TMEM131L: variants seen among roughly 807,000 people sequenced by gnomAD.
The protein encoded by TMEM131L is transmembrane protein 131-like.
A neutral mutation model predicts 192.2 loss-of-function variants in TMEM131L; 54 were observed. That is an observed-to-expected ratio of 0.28 (90% CI 0.23 to 0.35). TMEM131L has a LOEUF of 0.35. TMEM131L is among the 10% of genes least tolerant of loss of function. TMEM131L has a pLI of 1.00. For synonymous variants in TMEM131L, 701 were observed against 704.9 expected (o/e 0.99, Z 0.09); for missense variants, 1,888 against 1,972.9 (o/e 0.96, Z 0.82).
At chr4:153,579,272 T>C (rs1222143533) in intron 7 of TMEM131L, among the ~76,000 whole-genome samples, 1 of 151,788 alleles carries the variant, frequency 6.6e-6, no homozygotes, top group East Asian at 1.9e-4. Context: ...GAGGTGGAGG[T>C]TGCATGAGCC....
chr4:153,609,869 A>G (rs1185673557), intron 25 of TMEM131L, among the ~76,000 whole-genome samples: 1 of 152,148 alleles, frequency 6.6e-6, no homozygotes, highest in East Asian at 1.9e-4. Context: ...CCAGAATCCA[A>G]AGGGATATTC....
intron 3 of TMEM131L, among the ~76,000 whole-genome samples, chr4:153,494,784 GCT>G (rs749160046): frequency 2.0e-5 from 3 of 152,224 alleles, no homozygotes; most frequent in Non-Finnish European, 4.4e-5. Flanking sequence ...TTAGCTAACA[GCT>G]CTCCGTCGGG....
intron 3 of TMEM131L, among the ~76,000 whole-genome samples, chr4:153,548,863 A>G (rs1737393583): frequency 6.6e-6 from 1 of 152,174 alleles, no homozygotes; most frequent in African/African-American, 2.4e-5. Flanking sequence ...GTTGGCCAGC[A>G]GGTTTAAAAG....
At chr4:153,578,390 T>C (rs1273790898) in intron 7 of TMEM131L, among the ~76,000 whole-genome samples, 2 of 151,984 alleles carry the variant, frequency 1.3e-5, no homozygotes, top group African/African-American at 2.4e-5. Context: ...AGTTTCACTC[T>C]TGTCACCCAG....
In TMEM131L at chr4:153,473,873, C is replaced by A. The variant is rs533956252; in HGVS notation, c.224C>A (p.Pro75His). 1.8e-5 allele frequency: 28 copies of A among 1,545,438 alleles called. No individual in the cohort carries two copies. Among genetic ancestry groups the A allele is most frequent in the Non-Finnish European group, 2.4e-5 (28 of 1,144,556 alleles). The part of the protein sequence containing the change: ...QGDSEEGLEE[P>H]SQEQSFSDKL... ...GATTCTGAAGAGGGTCTGGAGGAGC[C>A]TTCTCAAGAACAGAGGTAAGGAAAA... The change falls in exon 3 of 35, where the codon CCT (proline) becomes CAT (histidine). Residue 75 changes from proline to histidine, a missense_variant. Physicochemically the swap from Pro to His is moderately conservative, Grantham distance 77. Coordinates refer to ENST00000409959, the MANE Select transcript of TMEM131L (RefSeq NM_001131007.2).
At chr4:153,480,343 G>C (rs563080621) in intron 3 of TMEM131L, among the ~76,000 whole-genome samples, 21 of 149,550 alleles carry the variant, frequency 1.4e-4, no homozygotes, top group South Asian at 2.1e-4. Flanking sequence ...CGTCTCAAAA[G>C]AAAACAAAAC....
At chr4:153,604,462 CCT>C in intron 25 of TMEM131L, 32 bp downstream of exon 25, 3 of 1,555,554 alleles carry the variant, frequency 1.9e-6, no homozygotes, top group Non-Finnish European at 2.6e-6. Context: ...ATAATTCTCT[CCT>C]GTTTGTACCC....
intron 2 of TMEM131L, among the ~76,000 whole-genome samples, chr4:153,470,955 G>A (rs1340269664): frequency 2.0e-5 from 3 of 151,680 alleles, no homozygotes; most frequent in Admixed American, 1.3e-4. Context: ...CCCTCTTTGA[G>A]TTTCTTGTAG....
intron 9 of TMEM131L, among the ~76,000 whole-genome samples, chr4:153,582,594 G>A (rs1332747706): frequency 6.6e-6 from 1 of 151,800 alleles, no homozygotes; most frequent in Non-Finnish European, 1.5e-5. Flanking sequence ...AGTCTTAATT[G>A]GTTAAACAGC....
At chr4:153,488,133 C>T (rs563997689) in intron 3 of TMEM131L, among the ~76,000 whole-genome samples, 1 of 142,842 alleles carries the variant, frequency 7.0e-6, no homozygotes, top group East Asian at 2.2e-4. Context: ...GAGACCGAGA[C>T]CGTTGTGGGT....
chr4:153,545,390 C>G (rs538953007), intron 3 of TMEM131L, among the ~76,000 whole-genome samples: 47 of 151,446 alleles, frequency 3.1e-4, no homozygotes, highest in African/African-American at 1.1e-3. Context: ...CGGGTTCACG[C>G]CATTCTCCTG....
chr4:153,481,496 T>C (rs1350402931), intron 3 of TMEM131L, among the ~76,000 whole-genome samples: 2 of 152,226 alleles, frequency 1.3e-5, no homozygotes, highest in African/African-American at 4.8e-5. Flanking sequence ...GCCATTGAAA[T>C]AACAGGACTA....
At chr4:153,634,548 A>G (rs934549085) in intron 33 of TMEM131L, among the ~76,000 whole-genome samples, 1 of 152,190 alleles carries the variant, frequency 6.6e-6, no homozygotes, top group Non-Finnish European at 1.5e-5. Flanking sequence ...AGGTAGAACT[A>G]GGTCATTTGG....
intron 3 of TMEM131L, among the ~76,000 whole-genome samples, chr4:153,510,013 T>G (rs1424766284): frequency 6.6e-6 from 1 of 152,234 alleles, no homozygotes; most frequent in Non-Finnish European, 1.5e-5. Flanking sequence ...ACCTTTTCAT[T>G]TTAAAAGCCC....
intron 3 of TMEM131L, among the ~76,000 whole-genome samples, chr4:153,505,109 C>CTT (rs34450106): frequency 0.012 from 1,728 of 141,322 alleles, 34 homozygotes; most frequent in African/African-American, 0.041. Context: ...TTCTTTCTTT[C>CTT]TTTTTTTTTT....
chr4:153,500,100 T>TC (rs780164938), intron 3 of TMEM131L, among the ~76,000 whole-genome samples: 2 of 146,776 alleles, frequency 1.4e-5, no homozygotes, highest in Non-Finnish European at 3.0e-5. Flanking sequence ...CCTCCCTCCC[T>TC]TCTTTCTTTT....
chr4:153,473,434 C>A (rs775805434), intron 2 of TMEM131L, among the ~76,000 whole-genome samples: 2 of 152,086 alleles, frequency 1.3e-5, no homozygotes, highest in Non-Finnish European at 2.9e-5. Flanking sequence ...CTGGGTTTCC[C>A]GTGAGTGGGT....
intron 26 of TMEM131L, among the ~76,000 whole-genome samples, 170 bp downstream of exon 26, chr4:153,612,570 G>A (rs1276859439): frequency 6.6e-6 from 1 of 152,100 alleles, no homozygotes; most frequent in South Asian, 2.1e-4. Context: ...TTATATAGAC[G>A]TTACTACAGT....
intron 3 of TMEM131L, among the ~76,000 whole-genome samples, chr4:153,482,485 A>G (rs1483859161): frequency 1.3e-5 from 2 of 152,186 alleles, no homozygotes; most frequent in African/African-American, 2.4e-5. Context: ...TTTGACACCT[A>G]TTTATATAGT....
Sources: allele counts gnomAD v4.1 joint callset (sites outside exome capture counted in the v4.1 genomes callset), GRCh38; gene constraint gnomAD v4.1.1; transcripts MANE v1.5; gene names NCBI Gene and HGNC (gene_info 2026-07-23, HGNC 2026-07-21).